TRAF5: variants seen among roughly 807,000 people sequenced by gnomAD.
TRAF5 encodes the protein TNF receptor-associated factor 5.
TRAF5 carries 48 observed loss-of-function variants against 64.5 expected under a neutral mutation model. The observed-to-expected ratio is 0.74, with a 90% CI of 0.59 to 0.95. The LOEUF is 0.95. Among genes scored for constraint, TRAF5 ranks in the 40% least tolerant of loss-of-function variants. TRAF5 has a pLI of 0.00. For missense variants in TRAF5, 545 were observed against 662.8 expected (o/e 0.82, Z 1.95); for synonymous variants, 206 against 240.5 (o/e 0.86, Z 1.33).
intron 2 of TRAF5, 104 bp downstream of exon 2, chr1:211,353,561 GC>G: frequency 8.7e-7 from 1 of 1,155,696 alleles, no homozygotes; most frequent in Non-Finnish European, 1.2e-6. Context: ...GTTTTACTTG[GC>G]CACAGAACCA....
chr1:211,354,822 T>G (rs571440896), intron 3 of TRAF5, among the ~76,000 whole-genome samples: 6 of 152,352 alleles, frequency 3.9e-5, no homozygotes, highest in Admixed American at 1.3e-4. Flanking sequence ...GTACATCTTC[T>G]TTGTTAAAAA....
chr1:211,361,125 AAG>A lies in TRAF5; in HGVS notation c.661_662del (p.Asp221LeufsTer4), dbSNP rs1188004422. On this transcript the variant is annotated frameshift_variant, in exon 7 of 11. Coordinates refer to ENST00000261464, the MANE Select transcript of TRAF5 (RefSeq NM_001033910.3). LOFTEE classifies it high-confidence loss of function. ...CTGGCTGTATGTCCTGAAGCTGAGC[AAG>A]ACTGTCCTTTTAAGCACTATGGCTG... 6.2e-7 allele frequency: 1 copy of A among 1,614,184 alleles called. No individual in the cohort carries two copies.
chr1:211,353,446 C>T lies in TRAF5; in HGVS notation c.207C>T (p.Ile69=). The change falls in exon 2 of 11, where the codon ATC becomes ATT. Residue 69 remains isoleucine, a synonymous_variant. Transcript: ENST00000261464. The part of the protein sequence containing the change: ...GCGHRFCQHC[I]LSLRELNTVP... ...GGCACCGCTTCTGCCAGCACTGCAT[C>T]CTGTCCCTGAGGTGAGTGGGCAGGG... 6.2e-7 allele frequency: 1 copy of T among 1,613,054 alleles called. No individual in the cohort carries two copies. The highest frequency in any genetic ancestry group is 1.1e-5 in the South Asian group (1 of 90,976).
At chr1:211,345,117 A>T (rs1010067355) in intron 1 of TRAF5, among the ~76,000 whole-genome samples, 6 of 152,050 alleles carry the variant, frequency 3.9e-5, no homozygotes, top group African/African-American at 1.4e-4. Flanking sequence ...GGATTTCTCC[A>T]TGTTGGTCAG....
chr1:211,334,649 C>A (rs1271070390), intron 1 of TRAF5, among the ~76,000 whole-genome samples: 2 of 152,132 alleles, frequency 1.3e-5, no homozygotes, highest in East Asian at 3.8e-4. Flanking sequence ...CAGAGTGAGA[C>A]CCCGTCTCAA....
intron 1 of TRAF5, among the ~76,000 whole-genome samples, chr1:211,340,099 C>T (rs1702407384): frequency 6.6e-6 from 1 of 151,052 alleles, no homozygotes; most frequent in Admixed American, 6.6e-5. Flanking sequence ...CAGGTTTCTC[C>T]CCTTTCTTCA....
chr1:211,366,469 G>T (rs185100989), intron 8 of TRAF5, among the ~76,000 whole-genome samples: 1 of 152,334 alleles, frequency 6.6e-6, no homozygotes, highest in East Asian at 1.9e-4. Flanking sequence ...TACCCTTGAA[G>T]AACTAACATA....
At chr1:211,332,066 G>A (rs1447523379) in intron 1 of TRAF5, among the ~76,000 whole-genome samples, 4 of 152,162 alleles carry the variant, frequency 2.6e-5, no homozygotes, top group African/African-American at 7.2e-5. Flanking sequence ...CTGGGACAGG[G>A]TATGGTGGGA....
chr1:211,340,688 A>G (rs1005154713), intron 1 of TRAF5, among the ~76,000 whole-genome samples: 2 of 152,196 alleles, frequency 1.3e-5, no homozygotes, highest in Non-Finnish European at 2.9e-5. Flanking sequence ...TATTCCCATT[A>G]TCTCAAGTAG....
intron 7 of TRAF5, among the ~76,000 whole-genome samples, chr1:211,363,416 A>G (rs181664452): frequency 6.6e-6 from 1 of 152,348 alleles, no homozygotes; most frequent in East Asian, 1.9e-4. Flanking sequence ...AATTAAATAT[A>G]GTATGTTCTC....
chr1:211,369,007 ATTTTG>A (rs1205311071), intron 8 of TRAF5: 2 of 152,488 alleles, frequency 1.3e-5, no homozygotes, highest in African/African-American at 4.8e-5. Context: ...TGGTAGTTTT[ATTTTG>A]TTTTAAGAGA....
intron 10 of TRAF5, 41 bp downstream of exon 10, chr1:211,371,511 T>A: frequency 6.3e-7 from 1 of 1,584,686 alleles, no homozygotes; most frequent in Non-Finnish European, 8.6e-7. Flanking sequence ...GACTCATTTG[T>A]CTGCATGTGT....
chr1:211,343,526 A>G (rs897770512), intron 1 of TRAF5, among the ~76,000 whole-genome samples: 43 of 152,240 alleles, frequency 2.8e-4, no homozygotes, highest in African/African-American at 9.4e-4. Context: ...GGCTCAAGCA[A>G]TCCTCCCACC....
Position 211,351,193 on chromosome 1 carries a change from A to T in TRAF5, c.-1-2046A>T, listed in dbSNP as rs532435626. On this transcript the variant is annotated intron_variant, in intron 1 of 10. Coordinates refer to ENST00000261464, the MANE Select transcript of TRAF5 (RefSeq NM_001033910.3). ...AGGCACCTGCCACCACGCCTGGCTAATTTTTTGTATTTTTAGTAGAGACGG... is the reference window on the plus strand; with the variant it reads ...AGGCACCTGCCACCACGCCTGGCTATTTTTTTGTATTTTTAGTAGAGACGG... Among the ~76,000 whole-genome samples the T allele has an allele frequency of 5.3e-5, 8 of 151,754 alleles. No homozygotes were observed. In the East Asian group the frequency reaches 1.6e-3, roughly 29 times the overall value.
chr1:211,334,447 A>G (rs1031933553), intron 1 of TRAF5, among the ~76,000 whole-genome samples: 1 of 152,216 alleles, frequency 6.6e-6, no homozygotes, highest in Non-Finnish European at 1.5e-5. Context: ...TCACAAGGTC[A>G]GGAGATTGAG....
chr1:211,340,518 G>T (rs943942046), intron 1 of TRAF5, among the ~76,000 whole-genome samples: 100 of 152,304 alleles, frequency 6.6e-4, no homozygotes, highest in African/African-American at 2.4e-3. Context: ...CTGACCTCAG[G>T]TGATCCACCC....
chr1:211,346,314 G>A (rs1260574903), intron 1 of TRAF5: 1 of 962,410 alleles, frequency 1.0e-6, no homozygotes, highest in African/African-American at 1.8e-5. Flanking sequence ...GGGACTCAAG[G>A]GCAGATGCAA....
At chr1:211,335,979 T>G (rs545598504) in intron 1 of TRAF5, among the ~76,000 whole-genome samples, 5 of 149,302 alleles carry the variant, frequency 3.3e-5, no homozygotes, top group East Asian at 3.9e-4. Context: ...ATGATCTCTG[T>G]TTTTTTTTGC....
intron 1 of TRAF5, among the ~76,000 whole-genome samples, chr1:211,337,383 G>A (rs1010604098): frequency 6.6e-6 from 1 of 152,152 alleles, no homozygotes; most frequent in Admixed American, 6.5e-5. Flanking sequence ...AGGCAGTGTT[G>A]CCAGAGTGAG....
Sources: gnomAD v4.1 joint callset for allele counts (sites outside exome capture counted in the v4.1 genomes callset) on GRCh38, gnomAD v4.1.1 for gene constraint, MANE v1.5 for transcripts, NCBI Gene and HGNC (gene_info 2026-07-23, HGNC 2026-07-21) for gene names.